Variants in NATD1 observed in about 807,000 individuals in gnomAD.
NATD1 encodes protein NATD1.
In NATD1, 9 loss-of-function variants were observed where a neutral mutation model predicts 12.0. The ratio of observed to expected loss-of-function variants is 0.75; its 90% CI spans 0.45 to 1.30. The LOEUF (loss-of-function observed/expected upper bound fraction) is 1.30, where lower values mean the gene tolerates loss of function less well. NATD1 is among the 50% of genes most tolerant of loss of function. The probability of loss-of-function intolerance (pLI) is 0.00; values close to 1 mark genes in which losing one functional copy is unlikely to be tolerated. For missense variants in NATD1, 148 were observed against 148.5 expected (o/e 1.00, Z 0.02); for synonymous variants, 71 against 65.9 (o/e 1.08, Z -0.37).
chr17:21,253,187 C>T lies in NATD1; in HGVS notation c.78G>A (p.Arg26=). 2.0e-6 allele frequency: 2 copies of T among 1,017,528 alleles called. No individual in the cohort carries two copies. Among genetic ancestry groups the T allele is most frequent in the Non-Finnish European group, 2.3e-6 (2 of 852,308 alleles). The allele number at this position is 1,017,528 out of a possible 1,614,324, so 63.0% of individuals were successfully genotyped here. A position where few individuals can be genotyped will look rare whatever the true frequency, so the allele number is the denominator to read the frequency against. ...TGAGCCGGACAGTGAACTGGCGGCG[C>T]CGGCGGTCGTGCTCCACGCGGATGG... is the stretch of plus-strand genomic sequence containing the variant. ...GCPIRVEHDR[R]RRQFTVRLNG... Residue 26 remains arginine, a synonymous_variant, in exon 1 of 3, where the codon CGG becomes CGA. Transcript: ENST00000611551.
chr17:21,251,123 C>G (rs1298244331), intron 1 of NATD1, among the ~76,000 whole-genome samples: 1 of 152,082 alleles, frequency 6.6e-6, no homozygotes, highest in Non-Finnish European at 1.5e-5. Flanking sequence ...TCTTCTTTCT[C>G]CCCTGGGCTT....
intron 2 of NATD1, among the ~76,000 whole-genome samples, 169 bp from the exon 3 acceptor site, chr17:21,243,598 C>T (rs897927): frequency 0.63 from 96,489 of 151,978 alleles, 32,203 homozygotes; most frequent in Non-Finnish European, 0.74. Context: ...CAGACTGGTC[C>T]GGTACACAAG....
Position 21,241,327 on chromosome 17 carries a change from G to A in NATD1, c.*1986C>T, listed in dbSNP as rs1975270157. ...ACTGAGCTCCTGAGTGGTCATGATT[G>A]ACTATGTGCTTGAACTTGGGGAGGG... On this transcript the variant is annotated 3_prime_UTR_variant, in exon 3 of 3. Transcript: ENST00000611551. 6.6e-6 allele frequency: 1 copy of A among 152,452 alleles called. No homozygotes were observed. The highest frequency in any genetic ancestry group is 2.1e-4 in the South Asian group (1 of 4,836). 9.4% of individuals were successfully genotyped at this position (152,452 alleles called of 1,614,324 possible).
Position 21,244,958 on chromosome 17 carries a change from A to G in NATD1, c.107-734T>C, listed in dbSNP as rs1473882310. On this transcript the variant is annotated intron_variant, in intron 1 of 2. Coordinates refer to ENST00000611551, the MANE Select transcript of NATD1 (RefSeq NM_152914.3). The surrounding 1 kb of genome is among the most constrained non-coding windows in gnomAD (Gnocchi z 5.2). ...CCACCCATCCACTTATCCATCCACC[A>G]AATGTTTCCTGAGCCCCAGGTACTG... Among the ~76,000 whole-genome samples, 1 of 152,178 alleles carries G rather than the reference A, an allele frequency of 6.6e-6. No individual in the cohort carries two copies. The highest frequency in any genetic ancestry group is 1.5e-5 in the Non-Finnish European group (1 of 68,024).
In NATD1 at chr17:21,244,048, G is replaced by C. The variant is rs1017166799; in HGVS notation, c.225+58C>G. ...ACCAGGGCCACCGTCTCCTCGGAGC[G>C]AAGGTGGCAGCCCCCATGTCCCCGT... On this transcript the variant is annotated intron_variant, in intron 2 of 2. Coordinates refer to ENST00000611551, the MANE Select transcript of NATD1 (RefSeq NM_152914.3). The surrounding 1 kb of genome is among the most constrained non-coding windows in gnomAD (Gnocchi z 5.2). 2.0e-6 allele frequency: 3 copies of C among 1,482,456 alleles called. No individual in the cohort carries two copies. The highest frequency in any genetic ancestry group is 2.8e-6 in the Non-Finnish European group (3 of 1,084,258). 91.8% of individuals were successfully genotyped at this position (1,482,456 alleles called of 1,614,324 possible). A position where few individuals can be genotyped will look rare whatever the true frequency, so the allele number is the denominator to read the frequency against.
At chr17:21,247,059 T>G (rs954355726) in intron 1 of NATD1, among the ~76,000 whole-genome samples, 1 of 152,132 alleles carries the variant, frequency 6.6e-6, no homozygotes, top group South Asian at 2.1e-4. Context: ...ACAAGAAGCC[T>G]GGCAAGCTCA....
Position 21,240,892 on chromosome 17 carries a change from C to A in NATD1, c.*2421G>T, listed in dbSNP as rs948473745. ...GAAGATGTTATTGCTCTGCTGGAGA[C>A]CTTGGGCCAGGCCCCGCGAAGCCCT... On this transcript the variant is annotated 3_prime_UTR_variant, in exon 3 of 3. Transcript: ENST00000611551. 3 of 152,868 alleles carry A rather than the reference C, an allele frequency of 2.0e-5. No homozygotes were observed. Among genetic ancestry groups the A allele is most frequent in the African/African-American group, 7.2e-5 (3 of 41,454 alleles). 9.5% of individuals were successfully genotyped at this position (152,868 alleles called of 1,614,324 possible). A position where few individuals can be genotyped will look rare whatever the true frequency, so the allele number is the denominator to read the frequency against.
At chr17:21,249,495 G>A (rs1452294652) in intron 1 of NATD1, among the ~76,000 whole-genome samples, 1 of 152,162 alleles carries the variant, frequency 6.6e-6, no homozygotes, top group Middle Eastern at 3.2e-3. Flanking sequence ...TATTGGGGCT[G>A]TGATCTGAGC....
intron 1 of NATD1, among the ~76,000 whole-genome samples, chr17:21,248,090 A>C (rs780203642): frequency 1.6e-4 from 24 of 152,042 alleles, no homozygotes; most frequent in Non-Finnish European, 3.2e-4. Context: ...ACCGAGTTTA[A>C]ATGGACACCC....
Position 21,244,346 on chromosome 17 carries a change from C to T in NATD1, c.107-122G>A, listed in dbSNP as rs1975307343. On this transcript the variant is annotated intron_variant, in intron 1 of 2. Transcript: ENST00000611551. The surrounding 1 kb of genome is among the most constrained non-coding windows in gnomAD (Gnocchi z 5.2). ...GCTGCTACAGCTGAATCCTGAATAA[C>T]CTCTCAGTGCCTCAGTCTCCTCATC... 2 of 701,340 alleles carry T rather than the reference C, an allele frequency of 2.9e-6. No individual in the cohort carries two copies. The highest frequency in any genetic ancestry group is 4.7e-6 in the Non-Finnish European group (2 of 428,084). 43.4% of individuals were successfully genotyped at this position (701,340 alleles called of 1,614,324 possible). A position where few individuals can be genotyped will look rare whatever the true frequency, so the allele number is the denominator to read the frequency against.
At chr17:21,248,619 C>T (rs762269373) in intron 1 of NATD1, among the ~76,000 whole-genome samples, 3 of 152,202 alleles carry the variant, frequency 2.0e-5, no homozygotes, top group Non-Finnish European at 2.9e-5. Context: ...GTCAGCCACG[C>T]TTTCACTTCT....
chr17:21,251,687 G>A lies in NATD1; in HGVS notation c.106+1472C>T, dbSNP rs578192886. 3.3e-5 allele frequency among the ~76,000 whole-genome samples: 5 copies of A among 152,312 alleles called. No individual in the cohort carries two copies. The East Asian group carries it at 7.7e-4, about 23-fold the overall frequency. On this transcript the variant is annotated intron_variant, in intron 1 of 2. Coordinates refer to ENST00000611551, the MANE Select transcript of NATD1 (RefSeq NM_152914.3). ...TGTAGTGGGGCCTGGCTCGACACTC[G>A]GCACATTCCAAATGGCATCGGAGAT...
At chr17:21,248,618 G>A (rs1405518127) in intron 1 of NATD1, among the ~76,000 whole-genome samples, 4 of 152,184 alleles carry the variant, frequency 2.6e-5, no homozygotes. Flanking sequence ...TGTCAGCCAC[G>A]CTTTCACTTC....
Position 21,243,341 on chromosome 17 carries a change from G to A in NATD1, c.314C>T (p.Pro105Leu), listed in dbSNP as rs776356490. The change falls in exon 3 of 3, where the codon CCG (proline) becomes CTG (leucine). Residue 105 changes from proline to leucine, a missense_variant. Transcript: ENST00000611551. ...IQKYVKENPLPQYLERLQP is the reference protein window; with the variant it reads ...IQKYVKENPLLQYLERLQP ...CGGCTGCAGGCGCTCCAGGTACTGC[G>A]GCAGGGGGTTCTCCTTGACGTACTT... The A allele has an allele frequency of 7.4e-6, 12 of 1,613,102 alleles. No homozygotes were observed. Among genetic ancestry groups the A allele is most frequent in the South Asian group, 2.2e-5 (2 of 91,086 alleles).
At position 21,244,020 on chromosome 17, in the gene NATD1, G is replaced by A. The variant is rs1975303138; in HGVS notation, c.225+86C>T. Reference sequence around the variant, plus strand: ...CAGGGCCAAGAAGCAGGCTGAAGTGGCCACCAGGGCCACCGTCTCCTCGGA... The same window carrying A: ...CAGGGCCAAGAAGCAGGCTGAAGTGACCACCAGGGCCACCGTCTCCTCGGA... On this transcript the variant is annotated intron_variant, in intron 2 of 2. Transcript: ENST00000611551. This position sits in a 1 kb window ranked among gnomAD's most constrained non-coding sequence, Gnocchi z 5.2. 8.1e-7 allele frequency: 1 copy of A among 1,237,106 alleles called. No individual in the cohort carries two copies. The highest frequency in any genetic ancestry group is 2.5e-5 in the East Asian group (1 of 40,638). The allele number at this position is 1,237,106 out of a possible 1,614,324, so 76.6% of individuals were successfully genotyped here.
intron 1 of NATD1, among the ~76,000 whole-genome samples, chr17:21,252,175 G>A (rs984754001): frequency 6.6e-6 from 1 of 152,110 alleles, no homozygotes; most frequent in East Asian, 1.9e-4. Flanking sequence ...CATGGTGGTG[G>A]GTGCCTGTAA....
chr17:21,251,419 G>A (rs1975375612), intron 1 of NATD1, among the ~76,000 whole-genome samples: 1 of 152,030 alleles, frequency 6.6e-6, no homozygotes, highest in Non-Finnish European at 1.5e-5. Context: ...TGAAAGCCAT[G>A]AGGCCTCTCT....
chr17:21,246,525 GAA>G (rs71160130), intron 1 of NATD1, among the ~76,000 whole-genome samples: 1 of 108,314 alleles, frequency 9.2e-6, no homozygotes, highest in African/African-American at 3.5e-5. Context: ...AAAAAAAAAA[GAA>G]AAAAAAAAAA....
chr17:21,243,691 C>CGGGGTG (rs1975299983), intron 2 of NATD1, among the ~76,000 whole-genome samples: 1 of 151,944 alleles, frequency 6.6e-6, no homozygotes, highest in African/African-American at 2.4e-5. Flanking sequence ...ATTCTCCTGG[C>CGGGGTG]GGGGTGGGGG....
Sources: allele counts gnomAD v4.1 joint callset (sites outside exome capture counted in the v4.1 genomes callset), GRCh38; gene constraint gnomAD v4.1.1; non-coding constraint Gnocchi (gnomAD v3.1); transcripts MANE v1.5; gene names NCBI Gene and HGNC (gene_info 2026-07-23, HGNC 2026-07-21).